FBXO11: variants seen among roughly 807,000 people sequenced by gnomAD.
The protein encoded by FBXO11 is F-box only protein 11.
Under a neutral mutation model 117.0 loss-of-function variants are expected in FBXO11, and 13 were observed. The observed-to-expected ratio is 0.11, with a 90% CI of 0.07 to 0.18. FBXO11 has a LOEUF of 0.18. Ranked by LOEUF, FBXO11 falls within the 10% of genes least tolerant of loss-of-function variation. The probability of loss-of-function intolerance (pLI) is 1.00; values close to 1 mark genes in which losing one functional copy is unlikely to be tolerated. For missense variants in FBXO11, 767 were observed against 1,164.4 expected, an observed-to-expected ratio of 0.66 and a Z score of 4.97; for synonymous variants, 490 against 380.5, an observed-to-expected ratio of 1.29 and a Z score of -3.35.
In FBXO11 at chr2:47,809,048, A is replaced by T. The variant is rs114304626; in HGVS notation, c.2555+110T>A. ...CAAGTAGATTGATGATAAAATTTTC[A>T]GTTAGTTATAGTCTCAACACCGGCA... On this transcript the variant is annotated intron_variant, in intron 21 of 22. Coordinates refer to ENST00000403359, the MANE Select transcript of FBXO11 (RefSeq NM_001190274.2). 8.0e-6 allele frequency: 5 copies of T among 621,568 alleles called. No individual in the cohort carries two copies. In the South Asian group the frequency reaches 1.1e-4, roughly 13 times the overall value. 38.5% of individuals were successfully genotyped at this position (621,568 alleles called of 1,614,324 possible).
intron 1 of FBXO11, among the ~76,000 whole-genome samples, chr2:47,872,341 C>A (rs570244200): frequency 6.6e-6 from 1 of 152,214 alleles, no homozygotes; most frequent in South Asian, 2.1e-4. Flanking sequence ...AATTTGTGTG[C>A]GTGAGACAGT....
chr2:47,853,243 T>C (rs1674015230), intron 1 of FBXO11, among the ~76,000 whole-genome samples: 1 of 152,066 alleles, frequency 6.6e-6, no homozygotes, highest in Non-Finnish European at 1.5e-5. Context: ...AGCTAATCTT[T>C]GTATTTTCAG....
chr2:47,808,803 CAACAT>C, intron 21 of FBXO11: 1 of 262,586 alleles, frequency 3.8e-6, no homozygotes. Flanking sequence ...AAACATTACA[CAACAT>C]GAGTTACATG....
chr2:47,815,090 T>C (rs6744431), intron 16 of FBXO11, among the ~76,000 whole-genome samples: 1 of 152,220 alleles, frequency 6.6e-6, no homozygotes, highest in Admixed American at 6.5e-5. Flanking sequence ...ACCAAAGTCT[T>C]ATACCCCTAA....
intron 1 of FBXO11, among the ~76,000 whole-genome samples, chr2:47,849,120 C>T (rs997502498): frequency 2.0e-5 from 3 of 152,066 alleles, no homozygotes; most frequent in East Asian, 3.9e-4. Flanking sequence ...CTGTTTCTAA[C>T]ACAGTTGGAA....
intron 1 of FBXO11, among the ~76,000 whole-genome samples, chr2:47,881,183 C>A (rs1369152249): frequency 6.6e-6 from 1 of 152,036 alleles, no homozygotes; most frequent in Non-Finnish European, 1.5e-5. Context: ...ACCCGGGAGT[C>A]GGAGGTTGCA....
intron 1 of FBXO11, among the ~76,000 whole-genome samples, chr2:47,879,072 C>G (rs896156395): frequency 6.6e-6 from 1 of 152,110 alleles, no homozygotes; most frequent in Non-Finnish European, 1.5e-5. Context: ...CCATCCTTTC[C>G]AAGTTTGTGA....
At chr2:47,863,203 C>T (rs540243258) in intron 1 of FBXO11, among the ~76,000 whole-genome samples, 2 of 152,024 alleles carry the variant, frequency 1.3e-5, no homozygotes, top group South Asian at 4.1e-4. Context: ...TAGGTTAGCT[C>T]AACATATAGT....
intron 1 of FBXO11, among the ~76,000 whole-genome samples, chr2:47,842,764 A>C (rs1052038851): frequency 2.7e-5 from 4 of 150,034 alleles, no homozygotes; most frequent in Non-Finnish European, 5.9e-5. Context: ...TTGGAAAAAC[A>C]AGTAAATTTT....
chr2:47,818,316 TAAAC>T (rs1396659167), intron 16 of FBXO11: 1 of 153,546 alleles, frequency 6.5e-6, no homozygotes, highest in Non-Finnish European at 1.4e-5. Flanking sequence ...TAAAGTGTAA[TAAAC>T]AGAGGTAAGC....
chr2:47,886,831 T>C (rs186457633), intron 1 of FBXO11, among the ~76,000 whole-genome samples: 131 of 152,148 alleles, frequency 8.6e-4, no homozygotes, highest in African/African-American at 2.4e-3. Flanking sequence ...ATTTAAAAAA[T>C]TGAAAAAGCC....
At chr2:47,895,274 T>G (rs1254328833) in intron 1 of FBXO11, among the ~76,000 whole-genome samples, 4 of 152,172 alleles carry the variant, frequency 2.6e-5, no homozygotes, top group Non-Finnish European at 5.9e-5. Flanking sequence ...GTAGAATGGA[T>G]AAACTGTAGT....
chr2:47,857,732 T>C (rs1674422240), intron 1 of FBXO11, among the ~76,000 whole-genome samples: 1 of 152,042 alleles, frequency 6.6e-6, no homozygotes, highest in South Asian at 2.1e-4. Flanking sequence ...CACAGTAAAC[T>C]CGAGAAGGAA....
intron 1 of FBXO11, among the ~76,000 whole-genome samples, chr2:47,881,637 C>G (rs1676439170): frequency 6.6e-6 from 1 of 151,898 alleles, no homozygotes; most frequent in Non-Finnish European, 1.5e-5. Flanking sequence ...TTTTCAATAC[C>G]AGTTATTACC....
At chr2:47,905,272 CGA>C (rs1678684076) in intron 1 of FBXO11, 1 of 310,710 alleles carries the variant, frequency 3.2e-6, no homozygotes, top group Admixed American at 5.3e-5. Context: ...GCGGCCTGAG[CGA>C]GAGCCCAGGC....
At chr2:47,861,030 A>G (rs905514177) in intron 1 of FBXO11, among the ~76,000 whole-genome samples, 1 of 151,666 alleles carries the variant, frequency 6.6e-6, no homozygotes, top group African/African-American at 2.4e-5. Context: ...TTGTATTTTT[A>G]GTAGAGATGG....
chr2:47,816,759 T>A (rs1671033849), intron 16 of FBXO11, among the ~76,000 whole-genome samples: 1 of 152,206 alleles, frequency 6.6e-6, no homozygotes, highest in Non-Finnish European at 1.5e-5. Flanking sequence ...AGTAATATTT[T>A]GAAATATTTT....
At chr2:47,845,723 G>A (rs1272026538) in intron 1 of FBXO11, among the ~76,000 whole-genome samples, 1 of 151,988 alleles carries the variant, frequency 6.6e-6, no homozygotes, top group Non-Finnish European at 1.5e-5. Context: ...GGCGAGGCAG[G>A]GTAACAAGGG....
chr2:47,877,973 G>A (rs1361641468), intron 1 of FBXO11, among the ~76,000 whole-genome samples: 2 of 152,072 alleles, frequency 1.3e-5, no homozygotes. Context: ...GTGAGCCACC[G>A]TGCCTGGCCC....
Sources: allele counts gnomAD v4.1 joint callset (sites outside exome capture counted in the v4.1 genomes callset), GRCh38; gene constraint gnomAD v4.1.1; transcripts MANE v1.5; gene names NCBI Gene and HGNC (gene_info 2026-07-23, HGNC 2026-07-21).